NRG3: variants seen among roughly 807,000 people sequenced by gnomAD.
NRG3 encodes the protein pro-neuregulin-3, membrane-bound isoform.
NRG3 carries 31 observed loss-of-function variants against 66.9 expected under a neutral mutation model. That is an observed-to-expected ratio of 0.46 (90% confidence interval 0.35 to 0.63). The LOEUF (loss-of-function observed/expected upper bound fraction) is 0.63, where lower values mean the gene tolerates loss of function less well. Among genes scored for constraint, NRG3 ranks in the 20% least tolerant of loss-of-function variants. The pLI is 0.00. For missense variants in NRG3, 910 were observed against 878.9 expected (o/e 1.04, Z -0.45); for synonymous variants, 393 against 359.4 (o/e 1.09, Z -1.06).
chr10:82,182,339 A>G (rs1396821370), intron 1 of NRG3, among the ~76,000 whole-genome samples: 3 of 151,528 alleles, frequency 2.0e-5, no homozygotes, highest in East Asian at 3.9e-4. Context: ...CTCTTTTGAT[A>G]TCTTCCTTTA....
chr10:82,170,570 A>G (rs938576571), intron 1 of NRG3, among the ~76,000 whole-genome samples: 1 of 148,912 alleles, frequency 6.7e-6, no homozygotes, highest in African/African-American at 2.5e-5. Context: ...CCTTGGGCGA[A>G]GTCTCACTAA....
intron 1 of NRG3, among the ~76,000 whole-genome samples, chr10:82,043,041 T>C (rs1220118486): frequency 6.6e-6 from 1 of 151,978 alleles, no homozygotes; most frequent in African/African-American, 2.4e-5. Context: ...GCCTGCTCAT[T>C]TAAAATGTAT....
At chr10:82,521,628 C>T (rs1333409836) in intron 2 of NRG3, among the ~76,000 whole-genome samples, 1 of 152,114 alleles carries the variant, frequency 6.6e-6, no homozygotes, top group South Asian at 2.1e-4. Context: ...GCATGGCCAC[C>T]GTGCCCGGCC....
At chr10:82,094,149 A>G (rs1169082919) in intron 1 of NRG3, among the ~76,000 whole-genome samples, 1 of 152,178 alleles carries the variant, frequency 6.6e-6, no homozygotes, top group African/African-American at 2.4e-5. Context: ...GATATTAAAG[A>G]GGTGTAATTT....
At chr10:82,890,481 A>G (rs537307126) in intron 4 of NRG3, among the ~76,000 whole-genome samples, 89 of 152,286 alleles carry the variant, frequency 5.8e-4, no homozygotes, top group African/African-American at 2.1e-3. Context: ...TGCATATTAT[A>G]TATACATACA....
intron 1 of NRG3, among the ~76,000 whole-genome samples, chr10:82,006,730 T>A (rs1244034100): frequency 6.6e-6 from 1 of 152,164 alleles, no homozygotes; most frequent in East Asian, 1.9e-4. Flanking sequence ...ATAGGCTGTA[T>A]CCTAAGCTCT....
intron 2 of NRG3, among the ~76,000 whole-genome samples, chr10:82,706,697 G>A (rs575958743): frequency 6.6e-6 from 1 of 152,100 alleles, no homozygotes; most frequent in South Asian, 2.1e-4. Flanking sequence ...CAATCAAAAA[G>A]AAATATAAAT....
At chr10:81,959,416 ACT>A (rs987336122) in intron 1 of NRG3, among the ~76,000 whole-genome samples, 1 of 151,822 alleles carries the variant, frequency 6.6e-6, no homozygotes, top group African/African-American at 2.4e-5. Context: ...ACCAATTAAC[ACT>A]CTCATATACA....
intron 2 of NRG3, among the ~76,000 whole-genome samples, chr10:82,366,837 C>G (rs1421084854): frequency 1.3e-5 from 2 of 152,118 alleles, no homozygotes; most frequent in Non-Finnish European, 2.9e-5. Flanking sequence ...GAAAGTTTAG[C>G]TATCTGTATA....
chr10:82,689,629 G>T lies in NRG3; in HGVS notation c.954-48948G>T, dbSNP rs116183043. 6.0e-3 allele frequency among the ~76,000 whole-genome samples: 918 copies of T among 152,260 alleles called. 13 individuals carry two copies. Among genetic ancestry groups the T allele is most frequent in the African/African-American group, 0.021 (870 of 41,544 alleles). On this transcript the variant is annotated intron_variant, in intron 2 of 8. Transcript: ENST00000372141. ...TATGTTTAAAATTGTGATATGAGTT[G>T]AATGACTTTCCAGAGCAGATTTTGG...
intron 1 of NRG3, among the ~76,000 whole-genome samples, chr10:81,877,226 C>T (rs77364693): frequency 0.034 from 5,109 of 152,224 alleles, 119 homozygotes; most frequent in Non-Finnish European, 0.049. Flanking sequence ...TGACCTCCCA[C>T]CCCAACCCCC....
At chr10:82,498,369 T>G (rs1392366169) in intron 2 of NRG3, among the ~76,000 whole-genome samples, 1 of 152,086 alleles carries the variant, frequency 6.6e-6, no homozygotes, top group Admixed American at 6.6e-5. Context: ...CACAGCACGT[T>G]TTATATGAAC....
chr10:81,878,551 G>A (rs984246215), intron 1 of NRG3, among the ~76,000 whole-genome samples: 5 of 152,158 alleles, frequency 3.3e-5, no homozygotes, highest in African/African-American at 1.2e-4. Flanking sequence ...ATTATCAGCA[G>A]TGCTACTGTA....
Position 81,875,744 on chromosome 10 carries a change from C to T in NRG3, c.404C>T (p.Thr135Met). 6.2e-7 allele frequency: 1 copy of T among 1,612,906 alleles called. No homozygotes were observed. Among genetic ancestry groups the T allele is most frequent in the Non-Finnish European group, 8.5e-7 (1 of 1,179,794 alleles). The change falls in exon 1 of 9, where the codon ACG (threonine) becomes ATG (methionine). Residue 135 changes from threonine (T) to methionine (M), a missense_variant. Thr to Met is a moderately conservative substitution (Grantham distance 81). Coordinates refer to ENST00000372141, the MANE Select transcript of NRG3 (RefSeq NM_001010848.4). The surrounding 1 kb of genome is among the most constrained non-coding windows in gnomAD (Gnocchi z 5.3). ...METTTTTTSTTSPATPSAGGA... is the reference protein window; with the variant it reads ...METTTTTTSTMSPATPSAGGA... ...ACCACCACCACTACCACTTCCACCACGTCCCCCGCCACCCCCTCCGCCGGG... is the reference window on the plus strand; with the variant it reads ...ACCACCACCACTACCACTTCCACCATGTCCCCCGCCACCCCCTCCGCCGGG...
chr10:82,037,941 A>G (rs2062862174), intron 1 of NRG3, among the ~76,000 whole-genome samples: 1 of 151,446 alleles, frequency 6.6e-6, no homozygotes, highest in Non-Finnish European at 1.5e-5. Flanking sequence ...GAATGCCTCA[A>G]AAGTCGTGGA....
intron 4 of NRG3, among the ~76,000 whole-genome samples, chr10:82,934,993 G>A (rs1847921945): frequency 6.6e-6 from 1 of 152,052 alleles, no homozygotes; most frequent in Non-Finnish European, 1.5e-5. Flanking sequence ...GCCTTACTCT[G>A]GGAACTTATC....
chr10:82,688,366 T>C (rs2054670516), intron 2 of NRG3, among the ~76,000 whole-genome samples: 1 of 152,168 alleles, frequency 6.6e-6, no homozygotes, highest in Admixed American at 6.5e-5. Flanking sequence ...TCGATGTTTG[T>C]TAAAGTGTTT....
At chr10:82,114,286 G>A (rs367629248) in intron 1 of NRG3, among the ~76,000 whole-genome samples, 4 of 152,056 alleles carry the variant, frequency 2.6e-5, no homozygotes, top group East Asian at 1.9e-4. Flanking sequence ...TAACATTAGT[G>A]TGCCAATTTC....
intron 2 of NRG3, among the ~76,000 whole-genome samples, chr10:82,458,505 T>G (rs2091371678): frequency 6.6e-6 from 1 of 151,866 alleles, no homozygotes; most frequent in African/African-American, 2.4e-5. Context: ...AAAAGAAAAG[T>G]CATTAAGGGG....
Sources: gnomAD v4.1 joint callset for allele counts (sites outside exome capture counted in the v4.1 genomes callset) on GRCh38, gnomAD v4.1.1 for gene constraint, Gnocchi (gnomAD v3.1) non-coding constraint, MANE v1.5 for transcripts, NCBI Gene and HGNC (gene_info 2026-07-23, HGNC 2026-07-21) for gene names.